The following SEMA3D variants were observed in gnomAD, a reference collection of about 807,000 sequenced individuals.
The protein encoded by SEMA3D is semaphorin-3D.
A neutral mutation model predicts 100.1 loss-of-function variants in SEMA3D; 84 were observed. That is an observed-to-expected ratio of 0.84 (90% confidence interval 0.70 to 1.01). The LOEUF (loss-of-function observed/expected upper bound fraction) is 1.01. SEMA3D is among the 50% of genes least tolerant of loss of function. The pLI, the probability that SEMA3D is intolerant of heterozygous loss-of-function variation, is 0.00. For synonymous variants in SEMA3D, 312 were observed against 320.7 expected, an observed-to-expected ratio of 0.97 and a Z score of 0.29; for missense variants, 875 against 934.1, an observed-to-expected ratio of 0.94 and a Z score of 0.82.
intron 2 of SEMA3D, chr7:85,144,532 T>C (rs1010525932): frequency 1.0e-6 from 1 of 984,576 alleles, no homozygotes; most frequent in Non-Finnish European, 1.2e-6. Flanking sequence ...TTATGCTTCA[T>C]GTAATAGAAA....
intron 1 of SEMA3D, among the ~76,000 whole-genome samples, chr7:85,168,546 T>A (rs1175484774): frequency 6.6e-6 from 1 of 151,274 alleles, no homozygotes; most frequent in Non-Finnish European, 1.5e-5. Flanking sequence ...CTGTGATAAC[T>A]CAGTCATGTG....
chr7:84,999,341 C>A lies in SEMA3D; in HGVS notation c.*99G>T. Reference sequence around the variant, plus strand: ...ATTATTGTCTTGTGCCTTAGCAAAACTCCATGGGAAGCATTTATGAATTAC... The same window carrying A: ...ATTATTGTCTTGTGCCTTAGCAAAAATCCATGGGAAGCATTTATGAATTAC... On this transcript the variant is annotated 3_prime_UTR_variant, in exon 19 of 19. Coordinates refer to ENST00000284136, the MANE Select transcript of SEMA3D (RefSeq NM_001384900.1). 1 of 963,076 alleles carries A rather than the reference C, an allele frequency of 1.0e-6. No homozygotes were observed. The highest frequency in any genetic ancestry group is 1.5e-6 in the Non-Finnish European group (1 of 648,598). 59.7% of individuals were successfully genotyped at this position (963,076 alleles called of 1,614,324 possible).
At chr7:85,183,047 T>A (rs932749703) in intron 1 of SEMA3D, among the ~76,000 whole-genome samples, 1 of 152,082 alleles carries the variant, frequency 6.6e-6, no homozygotes, top group African/African-American at 2.4e-5. Context: ...ATAATGAAGT[T>A]ATAACAAACA....
intron 2 of SEMA3D, among the ~76,000 whole-genome samples, chr7:85,150,346 A>AATATATATAT (rs3078412): frequency 5.4e-4 from 66 of 121,230 alleles, no homozygotes; most frequent in East Asian, 1.7e-3. Context: ...CTTTTCTAGA[A>AATATATATAT]ATATATATAT....
chr7:85,215,095 T>C, the SEMA3D span, among the ~76,000 whole-genome samples: 2 of 151,580 alleles, frequency 1.3e-5, no homozygotes, highest in South Asian at 4.2e-4. Flanking sequence ...TTCTACCAAG[T>C]GTTCTTCTTC....
chr7:85,091,039 AAGAG>A (rs924822690), intron 4 of SEMA3D, among the ~76,000 whole-genome samples: 3 of 151,002 alleles, frequency 2.0e-5, no homozygotes, highest in South Asian at 2.1e-4. Flanking sequence ...GAAAGAAAGA[AAGAG>A]AGAGAGAAAG....
intron 1 of SEMA3D, among the ~76,000 whole-genome samples, chr7:85,177,052 C>G (rs1791255012): frequency 6.6e-6 from 1 of 152,056 alleles, no homozygotes; most frequent in African/African-American, 2.4e-5. Flanking sequence ...GCTATACCAT[C>G]TAGGTTTGCG....
At chr7:85,118,486 G>A (rs1583940651) in intron 3 of SEMA3D, among the ~76,000 whole-genome samples, 1 of 151,756 alleles carries the variant, frequency 6.6e-6, no homozygotes, top group African/African-American at 2.4e-5. Flanking sequence ...TTTAAAAATT[G>A]TTGAGATTTT....
At chr7:85,212,011 A>T in the SEMA3D span, among the ~76,000 whole-genome samples, 1 of 152,088 alleles carries the variant, frequency 6.6e-6, no homozygotes, top group Admixed American at 6.6e-5. Flanking sequence ...TTATCAGTGA[A>T]TTTTTGACCA....
At chr7:85,028,384 CAA>C (rs61589019) in intron 12 of SEMA3D, 13,160 of 181,744 alleles carry the variant, frequency 0.072, 2 homozygotes, top group South Asian at 0.12. Context: ...ACAGTTTAGA[CAA>C]AAAAAAAAAA....
At chr7:85,128,546 T>C (rs1789630717) in intron 2 of SEMA3D, among the ~76,000 whole-genome samples, 1 of 152,118 alleles carries the variant, frequency 6.6e-6, no homozygotes, top group African/African-American at 2.4e-5. Flanking sequence ...GTCATTTTTA[T>C]CAAAACTAAG....
chr7:85,176,819 T>C (rs1791245574), intron 1 of SEMA3D, among the ~76,000 whole-genome samples: 1 of 148,756 alleles, frequency 6.7e-6, no homozygotes, highest in African/African-American at 2.5e-5. Flanking sequence ...GAGAGAGAAT[T>C]GACATTTAGA....
Position 84,999,293 on chromosome 7 carries a change from T to G in SEMA3D, c.*147A>C, listed in dbSNP as rs749722983. 3.0e-5 allele frequency: 20 copies of G among 670,744 alleles called. No homozygotes were observed. The highest frequency in any genetic ancestry group is 4.7e-5 in the Non-Finnish European group (19 of 407,104). 41.5% of individuals were successfully genotyped at this position (670,744 alleles called of 1,614,324 possible). ...ATGAATTTTTTGCCCTTTCTTATAT[T>G]CATCACATATTGTCTTATTCAGATT... On this transcript the variant is annotated 3_prime_UTR_variant, in exon 19 of 19. Transcript: ENST00000284136.
chr7:85,186,525 T>C (rs990194502), intron 1 of SEMA3D, among the ~76,000 whole-genome samples, 153 bp downstream of exon 1: 1 of 152,028 alleles, frequency 6.6e-6, no homozygotes, highest in Non-Finnish European at 1.5e-5. Flanking sequence ...CCGGGAGCCT[T>C]CTCTGTCTCA....
chr7:85,160,077 A>AAT, intron 1 of SEMA3D: 1 of 922,436 alleles, frequency 1.1e-6, no homozygotes, highest in Non-Finnish European at 1.3e-6. Flanking sequence ...TACTGAAAAT[A>AAT]ATATATATCT....
At chr7:85,007,742 C>G (rs1343492084) in intron 17 of SEMA3D, among the ~76,000 whole-genome samples, 1 of 151,618 alleles carries the variant, frequency 6.6e-6, no homozygotes, top group Non-Finnish European at 1.5e-5. Context: ...CTCAGCTTGG[C>G]CCAAATATGC....
intron 2 of SEMA3D, among the ~76,000 whole-genome samples, chr7:85,126,289 A>G (rs910237511): frequency 3.9e-5 from 6 of 151,988 alleles, no homozygotes; most frequent in Non-Finnish European, 1.5e-5. Flanking sequence ...AATGTGAAAA[A>G]GTAGCTTCTA....
chr7:85,128,322 C>G (rs766472812), intron 2 of SEMA3D, among the ~76,000 whole-genome samples: 2 of 151,814 alleles, frequency 1.3e-5, no homozygotes, highest in Non-Finnish European at 2.9e-5. Flanking sequence ...CGCACGCCAC[C>G]ATGCCTGGCT....
chr7:85,117,553 C>T (rs1213519382), intron 3 of SEMA3D, among the ~76,000 whole-genome samples: 1 of 152,048 alleles, frequency 6.6e-6, no homozygotes, highest in Non-Finnish European at 1.5e-5. Flanking sequence ...CTAAGGCAGG[C>T]AGATTGCCTG....
Sources: gnomAD v4.1 joint callset for allele counts (sites outside exome capture counted in the v4.1 genomes callset) on GRCh38, gnomAD v4.1.1 for gene constraint, MANE v1.5 for transcripts, NCBI Gene and HGNC (gene_info 2026-07-23, HGNC 2026-07-21) for gene names.